VOPP1: variants seen among roughly 807,000 people sequenced by gnomAD.
VOPP1 encodes VOPP1 WW domain binding protein, also known as WW domain binding protein VOPP1.
A neutral mutation model predicts 23.5 loss-of-function variants in VOPP1; 8 were observed. That is an observed-to-expected ratio of 0.34 (90% CI 0.20 to 0.61). The LOEUF (loss-of-function observed/expected upper bound fraction) is 0.61. Ranked by LOEUF, VOPP1 falls within the 20% of genes least tolerant of loss-of-function variation. The pLI is 0.78. For missense variants in VOPP1, 174 were observed against 238.1 expected, an observed-to-expected ratio of 0.73 and a Z score of 1.77; for synonymous variants, 83 against 97.3, an observed-to-expected ratio of 0.85 and a Z score of 0.86.
At chr7:55,535,109 C>G (rs1172703702) in intron 1 of VOPP1, among the ~76,000 whole-genome samples, 1 of 152,236 alleles carries the variant, frequency 6.6e-6, no homozygotes, top group East Asian at 1.9e-4. Context: ...ACTCCTGACA[C>G]TGCACCTGCC....
At chr7:55,545,839 T>C (rs1284772404) in intron 1 of VOPP1, among the ~76,000 whole-genome samples, 1 of 151,884 alleles carries the variant, frequency 6.6e-6, no homozygotes, top group Admixed American at 6.6e-5. Context: ...GAGGCTGAGG[T>C]AGGCGGATCC....
At chr7:55,456,933 G>A (rs1157463096) in intron 4 of VOPP1, among the ~76,000 whole-genome samples, 1 of 152,068 alleles carries the variant, frequency 6.6e-6, no homozygotes, top group African/African-American at 2.4e-5. Context: ...ATGTACCCCA[G>A]AACTTAAAGT....
intron 1 of VOPP1, among the ~76,000 whole-genome samples, chr7:55,551,034 G>A (rs1295370835): frequency 6.6e-6 from 1 of 152,090 alleles, no homozygotes; most frequent in East Asian, 1.9e-4. Flanking sequence ...CAGGCGAAGG[G>A]GCACATGACA....
intron 4 of VOPP1, among the ~76,000 whole-genome samples, chr7:55,440,741 G>A (rs1790943703): frequency 1.3e-5 from 2 of 152,228 alleles, no homozygotes; most frequent in South Asian, 4.1e-4. Context: ...ACACAGACCT[G>A]CTGCCCCCAT....
chr7:55,509,575 A>T (rs1377568030), intron 2 of VOPP1, among the ~76,000 whole-genome samples: 1 of 152,216 alleles, frequency 6.6e-6, no homozygotes, highest in East Asian at 1.9e-4. Flanking sequence ...GTAAGGACAC[A>T]CATATTCAGA....
chr7:55,562,708 C>T (rs1332440783), intron 1 of VOPP1, among the ~76,000 whole-genome samples: 1 of 152,040 alleles, frequency 6.6e-6, no homozygotes, highest in African/African-American at 2.4e-5. Flanking sequence ...AGATATTAAG[C>T]GTGAGGGGAT....
At chr7:55,514,806 G>A (rs74334248) in intron 2 of VOPP1, among the ~76,000 whole-genome samples, 1,669 of 152,300 alleles carry the variant, frequency 0.011, 11 homozygotes, top group Middle Eastern at 0.02. Context: ...TGTGTATCTG[G>A]CAGACTCTGT....
chr7:55,476,622 C>T (rs1369591699), intron 4 of VOPP1, among the ~76,000 whole-genome samples: 1 of 152,156 alleles, frequency 6.6e-6, no homozygotes, highest in East Asian at 1.9e-4. Context: ...GATCCCCACA[C>T]CATTTTAGTC....
At chr7:55,451,806 G>C (rs1791251580) in intron 4 of VOPP1, among the ~76,000 whole-genome samples, 1 of 152,096 alleles carries the variant, frequency 6.6e-6, no homozygotes, top group Admixed American at 6.6e-5. Flanking sequence ...AAACAAAAAA[G>C]CTTTATTGCT....
intron 4 of VOPP1, among the ~76,000 whole-genome samples, chr7:55,475,017 CA>C (rs1361556956): frequency 6.6e-6 from 1 of 152,214 alleles, no homozygotes; most frequent in Non-Finnish European, 1.5e-5. Context: ...TACAGTTTCA[CA>C]CCATGGTAGA....
intron 4 of VOPP1, among the ~76,000 whole-genome samples, chr7:55,442,651 CCA>C (rs1790995051): frequency 2.1e-5 from 2 of 93,270 alleles, no homozygotes; most frequent in Non-Finnish European, 4.7e-5. Context: ...TTGAAGTAGA[CCA>C]AAAAAAAAAA....
intron 4 of VOPP1, among the ~76,000 whole-genome samples, chr7:55,451,563 G>A (rs894319589): frequency 1.3e-5 from 2 of 152,146 alleles, no homozygotes; most frequent in Non-Finnish European, 2.9e-5. Flanking sequence ...AGGCAGAGGC[G>A]GGCGGATCAC....
chr7:55,436,649 G>GGTGT (rs386410225), intron 4 of VOPP1, among the ~76,000 whole-genome samples: 16 of 146,910 alleles, frequency 1.1e-4, no homozygotes, highest in South Asian at 4.3e-4. Flanking sequence ...TGCGTGCGTG[G>GGTGT]GTGTGTGTGC....
intron 2 of VOPP1, among the ~76,000 whole-genome samples, chr7:55,504,148 C>G (rs968994158): frequency 6.6e-6 from 1 of 152,162 alleles, no homozygotes. Flanking sequence ...TACAACAGCT[C>G]CTTTCTCCCA....
chr7:55,499,471 T>C (rs910480075), intron 2 of VOPP1, among the ~76,000 whole-genome samples: 7 of 152,166 alleles, frequency 4.6e-5, no homozygotes, highest in African/African-American at 1.7e-4. Flanking sequence ...TGCTCTGTGC[T>C]TTCCTGAGGG....
At chr7:55,526,805 G>A (rs1329123069) in intron 1 of VOPP1, 1 of 152,288 alleles carries the variant, frequency 6.6e-6, no homozygotes, top group East Asian at 1.9e-4. Flanking sequence ...TCCCGGGCCA[G>A]AAGTCCAGGG....
chr7:55,561,989 T>C, intron 1 of VOPP1: 1 of 703,568 alleles, frequency 1.4e-6, no homozygotes, highest in Non-Finnish European at 2.6e-6. Flanking sequence ...CAGTAGTCGG[T>C]TCAGTCTGCT....
intron 1 of VOPP1, among the ~76,000 whole-genome samples, chr7:55,540,345 C>G (rs1318366131): frequency 2.0e-5 from 3 of 151,416 alleles, no homozygotes; most frequent in Admixed American, 2.0e-4. Context: ...TTGCAGTGAG[C>G]CGAGATCGCG....
intron 1 of VOPP1, among the ~76,000 whole-genome samples, chr7:55,540,034 C>T (rs1191798813): frequency 6.6e-6 from 1 of 151,912 alleles, no homozygotes; most frequent in Non-Finnish European, 1.5e-5. Context: ...CTCATTTTCT[C>T]ACGGAAATGA....
Sources: gnomAD v4.1 joint callset for allele counts (sites outside exome capture counted in the v4.1 genomes callset) on GRCh38, gnomAD v4.1.1 for gene constraint, MANE v1.5 for transcripts, NCBI Gene and HGNC (gene_info 2026-07-23, HGNC 2026-07-21) for gene names.